The following PDSS2 variants were observed in gnomAD, a reference collection of about 807,000 sequenced individuals.
PDSS2 encodes the protein decaprenyl diphosphate synthase subunit 2.
PDSS2 carries 31 observed loss-of-function variants against 44.5 expected under a neutral mutation model. The observed-to-expected ratio is 0.70, with a 90% confidence interval of 0.52 to 0.94. PDSS2 has a LOEUF of 0.94. Ranked by LOEUF, PDSS2 falls within the 40% of genes least tolerant of loss-of-function variation. The pLI is 0.00. For missense variants in PDSS2, 452 were observed against 482.2 expected (o/e 0.94, Z 0.59); for synonymous variants, 157 against 180.3 (o/e 0.87, Z 1.03).
intron 1 of PDSS2, among the ~76,000 whole-genome samples, chr6:107,356,906 T>G (rs1778611654): frequency 6.6e-6 from 1 of 152,204 alleles, no homozygotes; most frequent in Non-Finnish European, 1.5e-5. Context: ...AGAAACTTTA[T>G]TTGGCTATTT....
chr6:107,428,817 A>G (rs146567835), intron 1 of PDSS2, among the ~76,000 whole-genome samples: 22 of 152,328 alleles, frequency 1.4e-4, no homozygotes, highest in African/African-American at 5.1e-4. Flanking sequence ...AACCTGGGCA[A>G]CAGAGCAAGA....
chr6:107,405,712 C>T (rs952896184), intron 1 of PDSS2, among the ~76,000 whole-genome samples: 7 of 151,130 alleles, frequency 4.6e-5, no homozygotes, highest in East Asian at 1.9e-4. Flanking sequence ...CCGGGCGTAG[C>T]GGCGGGCGCC....
chr6:107,405,028 CAA>C (rs2114616507), intron 1 of PDSS2, among the ~76,000 whole-genome samples: 1 of 152,000 alleles, frequency 6.6e-6, no homozygotes, highest in South Asian at 2.1e-4. Flanking sequence ...CTAAAATCAG[CAA>C]GAGAAAGTAT....
intron 4 of PDSS2, among the ~76,000 whole-genome samples, chr6:107,223,156 C>G (rs1291884711): frequency 6.6e-6 from 1 of 150,692 alleles, no homozygotes; most frequent in East Asian, 2.0e-4. Context: ...GTCTCGAACT[C>G]CTGACCTCAT....
At chr6:107,382,699 T>C (rs1218514810) in intron 1 of PDSS2, among the ~76,000 whole-genome samples, 1 of 152,032 alleles carries the variant, frequency 6.6e-6, no homozygotes, top group Non-Finnish European at 1.5e-5. Context: ...TAGCTGGGCA[T>C]GGCAGCACAC....
In PDSS2 at chr6:107,296,776, C is replaced by A. The variant is rs1179773770; in HGVS notation, c.432-22549G>T. On this transcript the variant is annotated intron_variant, in intron 2 of 7. Transcript: ENST00000369037. ...AAATAAAAAAATAAAACACTGAACT[C>A]AATTCATCCTTTACCCAAAATAGAG... is the stretch of plus-strand genomic sequence containing the variant. Among the ~76,000 whole-genome samples, 2 of 151,990 alleles carry A rather than the reference C, an allele frequency of 1.3e-5. 1 individual carries two copies. Among genetic ancestry groups the A allele is most frequent in the Non-Finnish European group, 2.9e-5 (2 of 67,964 alleles).
chr6:107,217,550 T>C (rs78431363), intron 4 of PDSS2, among the ~76,000 whole-genome samples: 4 of 141,178 alleles, frequency 2.8e-5, no homozygotes, highest in Non-Finnish European at 6.2e-5. Flanking sequence ...TTCTGACCAA[T>C]AAAAAAAAAA....
Position 107,459,506 on chromosome 6 carries a change from G to A in PDSS2, c.-221C>T. ...CAGTCCCAGCTCAGCACTGCCCCCGGCCACCCGGGGTAGAAACCACAGCCA... is the reference window on the plus strand; with the variant it reads ...CAGTCCCAGCTCAGCACTGCCCCCGACCACCCGGGGTAGAAACCACAGCCA... On this transcript the variant is annotated 5_prime_UTR_variant, in exon 1 of 8. Coordinates refer to ENST00000369037, the MANE Select transcript of PDSS2 (RefSeq NM_020381.4). This position sits in a 1 kb window ranked among gnomAD's most constrained non-coding sequence, Gnocchi z 4.3. 1 of 578,788 alleles carries A rather than the reference G, an allele frequency of 1.7e-6. No individual in the cohort carries two copies. Among genetic ancestry groups the A allele is most frequent in the South Asian group, 2.1e-5 (1 of 48,564 alleles). 35.9% of individuals were successfully genotyped at this position (578,788 alleles called of 1,614,324 possible). A position where few individuals can be genotyped will look rare whatever the true frequency, so the allele number is the denominator to read the frequency against.
At chr6:107,416,626 C>G (rs1780669309) in intron 1 of PDSS2, among the ~76,000 whole-genome samples, 1 of 152,144 alleles carries the variant, frequency 6.6e-6, no homozygotes, top group African/African-American at 2.4e-5. Flanking sequence ...GCTAAAATTG[C>G]TAGATTTCTT....
intron 7 of PDSS2, among the ~76,000 whole-genome samples, chr6:107,161,029 C>T (rs145396838): frequency 0.02 from 3,103 of 152,078 alleles, 100 homozygotes; most frequent in African/African-American, 0.071. Context: ...TGAGCCACTG[C>T]GCATGGCCAA....
chr6:107,161,592 C>G (rs1291296074), intron 7 of PDSS2, among the ~76,000 whole-genome samples: 2 of 151,918 alleles, frequency 1.3e-5, no homozygotes, highest in African/African-American at 4.8e-5. Flanking sequence ...TAAATTTGAC[C>G]CTGTGTTCTC....
Position 107,458,905 on chromosome 6 carries a change from C to G in PDSS2, c.296+85G>C, listed in dbSNP as rs534081304. On this transcript the variant is annotated intron_variant, in intron 1 of 7. Transcript: ENST00000369037. ...AAAAAGAGATAAATCAGGAGCCAGT[C>G]TGAGAGAGCTAGAATGCGTATGCCC... 4.2e-5 allele frequency: 50 copies of G among 1,201,434 alleles called. No individual in the cohort carries two copies. In the African/African-American group the frequency reaches 7.2e-4, roughly 17 times the overall value. 74.4% of individuals were successfully genotyped at this position (1,201,434 alleles called of 1,614,324 possible). A position where few individuals can be genotyped will look rare whatever the true frequency, so the allele number is the denominator to read the frequency against.
chr6:107,418,873 A>G (rs1353488294), intron 1 of PDSS2, among the ~76,000 whole-genome samples: 2 of 152,220 alleles, frequency 1.3e-5, no homozygotes, highest in Admixed American at 1.3e-4. Context: ...AAACTAATAT[A>G]GATGGTAAGA....
At chr6:107,445,952 T>TTC (rs1219450757) in intron 1 of PDSS2, among the ~76,000 whole-genome samples, 3 of 152,086 alleles carry the variant, frequency 2.0e-5, no homozygotes, top group Non-Finnish European at 2.9e-5. Context: ...GTCTGTCTGT[T>TTC]TCTCTCTCTC....
intron 3 of PDSS2, among the ~76,000 whole-genome samples, chr6:107,263,274 G>A (rs1394152119): frequency 2.0e-5 from 3 of 152,042 alleles, no homozygotes; most frequent in African/African-American, 2.4e-5. Flanking sequence ...CCAACATGGC[G>A]AAAACCCATC....
chr6:107,259,352 G>C (rs1290085713), intron 3 of PDSS2, among the ~76,000 whole-genome samples: 1 of 151,914 alleles, frequency 6.6e-6, no homozygotes, highest in Non-Finnish European at 1.5e-5. Flanking sequence ...GGCTTATTGG[G>C]GGATAAAAAG....
intron 1 of PDSS2, among the ~76,000 whole-genome samples, chr6:107,413,967 G>C (rs1780583630): frequency 7.2e-6 from 1 of 139,442 alleles, no homozygotes; most frequent in Non-Finnish European, 1.6e-5. Context: ...GGATAGGCCT[G>C]CCACAGAGGC....
chr6:107,198,524 T>C (rs1171156975), intron 6 of PDSS2, among the ~76,000 whole-genome samples: 1 of 152,198 alleles, frequency 6.6e-6, no homozygotes, highest in Non-Finnish European at 1.5e-5. Flanking sequence ...AAAACTCTGG[T>C]AAATATTTAA....
intron 2 of PDSS2, among the ~76,000 whole-genome samples, chr6:107,326,458 T>C (rs1777550178): frequency 6.6e-6 from 1 of 152,164 alleles, no homozygotes; most frequent in South Asian, 2.1e-4. Context: ...CAGTCTTCTC[T>C]TATCAGCATT....
Sources: gnomAD v4.1 joint callset for allele counts (sites outside exome capture counted in the v4.1 genomes callset) on GRCh38, gnomAD v4.1.1 for gene constraint, Gnocchi (gnomAD v3.1) non-coding constraint, MANE v1.5 for transcripts, NCBI Gene and HGNC (gene_info 2026-07-23, HGNC 2026-07-21) for gene names.